Variants in STK39 observed in about 807,000 individuals in gnomAD.
STK39 encodes the protein serine/threonine kinase 39.
In STK39, 20 loss-of-function variants were observed where a neutral mutation model predicts 77.8. That is an observed-to-expected ratio of 0.26 (90% CI 0.18 to 0.37). The LOEUF (loss-of-function observed/expected upper bound fraction) is 0.37, where lower values mean the gene tolerates loss of function less well. Ranked by LOEUF, STK39 falls within the 10% of genes least tolerant of loss-of-function variation. The pLI, the probability that STK39 is intolerant of heterozygous loss-of-function variation, is 1.00. For missense variants in STK39, 479 were observed against 656.5 expected, an observed-to-expected ratio of 0.73 and a Z score of 2.95; for synonymous variants, 246 against 234.1, an observed-to-expected ratio of 1.05 and a Z score of -0.47.
At chr2:167,994,144 C>T (rs1683771265) in intron 16 of STK39, among the ~76,000 whole-genome samples, 2 of 152,174 alleles carry the variant, frequency 1.3e-5, no homozygotes, top group Non-Finnish European at 2.9e-5. Context: ...TACTGAGTTA[C>T]AGAATTTTCC....
chr2:167,986,639 G>T (rs901240126), intron 16 of STK39, among the ~76,000 whole-genome samples: 1 of 152,126 alleles, frequency 6.6e-6, no homozygotes, highest in Admixed American at 6.6e-5. Context: ...AAAAATGAGT[G>T]AAATCGATGT....
chr2:168,238,367 A>G (rs1258362308), intron 1 of STK39, among the ~76,000 whole-genome samples: 2 of 152,268 alleles, frequency 1.3e-5, no homozygotes, highest in African/African-American at 4.8e-5. Context: ...TAAAATGTAT[A>G]TTTTTTACCT....
chr2:168,201,289 G>C (rs1360833480), intron 1 of STK39, among the ~76,000 whole-genome samples: 1 of 152,184 alleles, frequency 6.6e-6, no homozygotes, highest in Non-Finnish European at 1.5e-5. Flanking sequence ...ACCATAGCTG[G>C]CAGTGAGACA....
intron 10 of STK39, among the ~76,000 whole-genome samples, chr2:168,094,150 T>G (rs560991852): frequency 3.9e-4 from 59 of 152,294 alleles, no homozygotes; most frequent in African/African-American, 1.3e-3. Flanking sequence ...AGTGGTTGTT[T>G]CCAGGCCAAG....
chr2:168,055,085 A>G (rs1685489508), intron 14 of STK39, among the ~76,000 whole-genome samples: 1 of 152,172 alleles, frequency 6.6e-6, no homozygotes, highest in Admixed American at 6.5e-5. Flanking sequence ...CTGTGGAGGG[A>G]AAAAAGAACA....
chr2:167,974,479 T>G (rs1683219381), intron 16 of STK39, among the ~76,000 whole-genome samples: 3 of 152,172 alleles, frequency 2.0e-5, no homozygotes, highest in African/African-American at 4.8e-5. Flanking sequence ...TGTCAAAAAT[T>G]TAAAAAAAGT....
chr2:168,028,748 C>T (rs1444058600), intron 14 of STK39, among the ~76,000 whole-genome samples: 1 of 152,158 alleles, frequency 6.6e-6, no homozygotes, highest in African/African-American at 2.4e-5. Flanking sequence ...CTGCAGAGAA[C>T]TCACAGACTC....
intron 16 of STK39, among the ~76,000 whole-genome samples, chr2:167,983,423 C>T (rs983733798): frequency 3.6e-5 from 5 of 140,764 alleles, no homozygotes; most frequent in Admixed American, 3.1e-4. Context: ...CGTTGCACTC[C>T]AGCCTGCGCA....
chr2:168,081,074 T>C (rs988483759), intron 10 of STK39, among the ~76,000 whole-genome samples: 4 of 152,144 alleles, frequency 2.6e-5, no homozygotes, highest in Non-Finnish European at 4.4e-5. Flanking sequence ...AAGGGAAATG[T>C]GGGGTCAGAG....
intron 1 of STK39, among the ~76,000 whole-genome samples, chr2:168,217,942 C>G (rs938174936): frequency 9.2e-5 from 14 of 152,208 alleles, no homozygotes; most frequent in African/African-American, 3.4e-4. Context: ...ACTACTAATT[C>G]TAAGATCACG....
At chr2:167,977,133 T>G (rs1683297926) in intron 16 of STK39, among the ~76,000 whole-genome samples, 1 of 152,214 alleles carries the variant, frequency 6.6e-6, no homozygotes, top group African/African-American at 2.4e-5. Flanking sequence ...TTGGTCCTAG[T>G]GCAAATGTCT....
intron 1 of STK39, among the ~76,000 whole-genome samples, chr2:168,216,174 A>G (rs16855142): frequency 0.029 from 4,467 of 152,104 alleles, 434 homozygotes; most frequent in East Asian, 0.26. Flanking sequence ...GCAAACCCCA[A>G]CCCAATATGA....
At position 168,247,547 on chromosome 2, in the gene STK39, G is replaced by GCCGCCGCCGCCA; in HGVS notation, c.-113_-112insTGGCGGCGGCGG. ...CGGCCGGCGCACGCCCTCCCCGCCC[G>GCCGCCGCCGCCA]CCGCCGCCGCCGCCGTCCCCGCCGA... On this transcript the variant is annotated 5_prime_UTR_variant, in exon 1 of 18. Coordinates refer to ENST00000355999, the MANE Select transcript of STK39 (RefSeq NM_013233.3). 4 of 628,866 alleles carry GCCGCCGCCGCCA rather than the reference G, an allele frequency of 6.4e-6. No individual in the cohort carries two copies. The highest frequency in any genetic ancestry group is 4.9e-5 in the South Asian group (1 of 20,254). The allele number at this position is 628,866 out of a possible 1,614,324, so 39.0% of individuals were successfully genotyped here.
chr2:167,995,104 T>A (rs1683800274), intron 16 of STK39, among the ~76,000 whole-genome samples: 1 of 151,228 alleles, frequency 6.6e-6, no homozygotes, highest in South Asian at 2.1e-4. Context: ...TATATATTTT[T>A]CTTTTGTTTT....
At chr2:168,144,029 A>G (rs1343044533) in intron 5 of STK39, among the ~76,000 whole-genome samples, 1 of 152,178 alleles carries the variant, frequency 6.6e-6, no homozygotes, top group Non-Finnish European at 1.5e-5. Context: ...TTTGATGTGC[A>G]TTCATCACCT....
intron 16 of STK39, among the ~76,000 whole-genome samples, chr2:168,012,314 G>A (rs1349153): frequency 0.1 from 15,400 of 151,660 alleles, 2,621 homozygotes; most frequent in African/African-American, 0.35. Flanking sequence ...TTGAGATTAC[G>A]GGCGTACACC....
At chr2:167,975,043 G>A (rs1237065168) in intron 16 of STK39, among the ~76,000 whole-genome samples, 1 of 152,118 alleles carries the variant, frequency 6.6e-6, no homozygotes, top group Non-Finnish European at 1.5e-5. Context: ...TACCTAATTT[G>A]GAGAAACAAC....
intron 15 of STK39, 37 bp downstream of exon 15, chr2:168,017,004 CTT>C (rs778908388): frequency 6.6e-7 from 1 of 1,522,390 alleles, no homozygotes; most frequent in South Asian, 1.2e-5. Flanking sequence ...CTGCAATGCT[CTT>C]TGAGGCAATA....
intron 10 of STK39, among the ~76,000 whole-genome samples, chr2:168,112,060 C>G (rs911657050): frequency 1.3e-5 from 2 of 151,666 alleles, no homozygotes; most frequent in Non-Finnish European, 2.9e-5. Flanking sequence ...TGCTCTTTAA[C>G]TTACAATCCA....
Sources: allele counts gnomAD v4.1 joint callset (sites outside exome capture counted in the v4.1 genomes callset), GRCh38; gene constraint gnomAD v4.1.1; transcripts MANE v1.5; gene names NCBI Gene and HGNC (gene_info 2026-07-23, HGNC 2026-07-21).